ARHGAP17: variants seen among roughly 807,000 people sequenced by gnomAD.
The protein encoded by ARHGAP17 is Rho GTPase activating protein 17.
Under a neutral mutation model 99.5 loss-of-function variants are expected in ARHGAP17, and 57 were observed. That is an observed-to-expected ratio of 0.57 (90% CI 0.46 to 0.71). ARHGAP17 has a LOEUF of 0.71. ARHGAP17 is among the 30% of genes least tolerant of loss of function. ARHGAP17 has a pLI of 0.00. For synonymous variants in ARHGAP17, 417 were observed against 429.6 expected, an observed-to-expected ratio of 0.97 and a Z score of 0.36; for missense variants, 1,000 against 1,122.4, an observed-to-expected ratio of 0.89 and a Z score of 1.56.
intron 18 of ARHGAP17, 43 bp from the exon 19 acceptor site, chr16:24,931,447 G>T: frequency 6.7e-7 from 1 of 1,486,638 alleles, no homozygotes; most frequent in Non-Finnish European, 8.9e-7. Flanking sequence ...GGAACAGTGA[G>T]GCAGCAACCA....
intron 3 of ARHGAP17, among the ~76,000 whole-genome samples, chr16:24,971,475 C>T (rs1409218757): frequency 6.6e-6 from 1 of 152,030 alleles, no homozygotes; most frequent in Non-Finnish European, 1.5e-5. Flanking sequence ...TATGGGCATG[C>T]ACCACTTACA....
At chr16:24,923,727 T>TAA (rs1160793042) in intron 19 of ARHGAP17, among the ~76,000 whole-genome samples, 1 of 119,906 alleles carries the variant, frequency 8.3e-6, no homozygotes. Flanking sequence ...CTCTTTTTTT[T>TAA]AAAAAAAAAA....
At chr16:25,006,449 CAAAA>C (rs1032093076) in intron 1 of ARHGAP17, among the ~76,000 whole-genome samples, 5 of 74,490 alleles carry the variant, frequency 6.7e-5, no homozygotes, top group Non-Finnish European at 5.6e-5. Flanking sequence ...GACTCCGTCT[CAAAA>C]AAAAAAAAAA....
chr16:24,953,004 C>CT lies in ARHGAP17; in HGVS notation c.890dup (p.Lys298GlufsTer15). On this transcript the variant is annotated frameshift_variant, in exon 11 of 20. Transcript: ENST00000289968. LOFTEE classifies it high-confidence loss of function. ...AACAGTCCAAAGCAGCTTTCAGCTT[C>CT]TTTAACTTGGAGGCCCCAGCCCCAA... The CT allele has an allele frequency of 6.2e-7, 1 of 1,614,212 alleles. No homozygotes were observed.
At chr16:24,949,199 AG>A (rs1429794338) in intron 13 of ARHGAP17, 2 of 427,390 alleles carry the variant, frequency 4.7e-6, no homozygotes, top group African/African-American at 4.1e-5. Context: ...TATTAATGTC[AG>A]GCATGATACT....
Position 24,945,237 on chromosome 16 carries a change from A to T in ARHGAP17, c.1242-1375T>A, listed in dbSNP as rs73555442. 1.6e-3 allele frequency among the ~76,000 whole-genome samples: 245 copies of T among 151,330 alleles called. 2 individuals carry two copies. The highest frequency in any genetic ancestry group is 5.8e-3 in the African/African-American group (237 of 40,924). ...ACCGGAGAGGCTGGGGTTGGAGGATAGCCTGAGCCCAGGAGGTTGCGGCTG... is the reference window on the plus strand; with the variant it reads ...ACCGGAGAGGCTGGGGTTGGAGGATTGCCTGAGCCCAGGAGGTTGCGGCTG... On this transcript the variant is annotated intron_variant, in intron 14 of 19. Transcript: ENST00000289968.
intron 5 of ARHGAP17, 45 bp from the exon 6 acceptor site, chr16:24,968,472 AG>A (rs1567237914): frequency 6.2e-7 from 1 of 1,606,332 alleles, no homozygotes; most frequent in South Asian, 1.1e-5. Flanking sequence ...CAGGGCTTTT[AG>A]GTTAACCATT....
chr16:25,011,392 G>GA (rs1231594339), intron 1 of ARHGAP17, among the ~76,000 whole-genome samples: 2 of 152,120 alleles, frequency 1.3e-5, no homozygotes, highest in African/African-American at 4.8e-5. Flanking sequence ...TCTCCCAGTG[G>GA]ACACAGTGCC....
At chr16:24,956,065 G>A (rs1043573917) in intron 9 of ARHGAP17, 1 of 152,132 alleles carries the variant, frequency 6.6e-6, no homozygotes, top group Admixed American at 6.5e-5. Context: ...GAAATACTTT[G>A]TCCCTTTTAT....
chr16:24,936,242 C>T (rs532068010), intron 17 of ARHGAP17: 4 of 157,952 alleles, frequency 2.5e-5, no homozygotes, highest in African/African-American at 9.6e-5. Flanking sequence ...TAAATGACTA[C>T]TCGAAGTCCA....
In ARHGAP17 at chr16:24,969,139, G is replaced by A. The variant is rs137994427; in HGVS notation, c.273-367C>T. 1.6e-4 allele frequency among the ~76,000 whole-genome samples: 25 copies of A among 152,290 alleles called. No homozygotes were observed. The East Asian group carries it at 3.9e-3, about 23-fold the overall frequency. ...TCATTCCATGTTATCTTATGTCTGC[G>A]AGTCCAGCCTTGGCCAGGCTCCCTT... On this transcript the variant is annotated intron_variant, in intron 4 of 19. Coordinates refer to ENST00000289968, the MANE Select transcript of ARHGAP17 (RefSeq NM_001006634.3).
chr16:24,977,864 G>A lies in ARHGAP17; in HGVS notation c.94-545C>T, dbSNP rs188574293. Among the ~76,000 whole-genome samples, 107 of 152,288 alleles carry A rather than the reference G, an allele frequency of 7.0e-4. 1 individual carries two copies. The East Asian group carries it at 0.02, about 29-fold the overall frequency. On this transcript the variant is annotated intron_variant, in intron 2 of 19. Coordinates refer to ENST00000289968, the MANE Select transcript of ARHGAP17 (RefSeq NM_001006634.3). Reference sequence around the variant, plus strand: ...AAAGAGAGCCGCTTTTTACAGGAAGGAATGCCAAAAATGTGTATTCTGATG... The same window carrying A: ...AAAGAGAGCCGCTTTTTACAGGAAGAAATGCCAAAAATGTGTATTCTGATG...
At chr16:24,982,984 A>ATATATATATATT (rs1213424117) in intron 1 of ARHGAP17, among the ~76,000 whole-genome samples, 10 of 28,002 alleles carry the variant, frequency 3.6e-4, no homozygotes, top group East Asian at 1.1e-3. Context: ...ATATATATAT[A>ATATATATATATT]TATATATATA....
At chr16:25,003,961 T>C (rs1257081558) in intron 1 of ARHGAP17, among the ~76,000 whole-genome samples, 1 of 151,882 alleles carries the variant, frequency 6.6e-6, no homozygotes, top group Non-Finnish European at 1.5e-5. Flanking sequence ...GATTTGAAAA[T>C]AGAAGAGCTG....
chr16:24,961,502 G>GT (rs1317053806), intron 7 of ARHGAP17, among the ~76,000 whole-genome samples: 3 of 114,506 alleles, frequency 2.6e-5, no homozygotes, highest in Non-Finnish European at 5.3e-5. Context: ...TAGTCTCTAA[G>GT]TAAAAAAAAA....
At chr16:24,985,713 G>C (rs1382365321) in intron 1 of ARHGAP17, among the ~76,000 whole-genome samples, 1 of 152,162 alleles carries the variant, frequency 6.6e-6, no homozygotes, top group Non-Finnish European at 1.5e-5. Flanking sequence ...TGGGGATCTG[G>C]ACATGTTTCG....
rs550274071 is a variant in ARHGAP17, at chr16:25,009,362, G to A, written c.53+5847C>T. 1.6e-3 allele frequency among the ~76,000 whole-genome samples: 169 copies of A among 104,346 alleles called. No individual in the cohort carries two copies. In the South Asian group the frequency reaches 0.035, roughly 21 times the overall value. The allele number at this position is 104,346 out of a possible 152,430, so 68.5% of individuals were successfully genotyped here. A position where few individuals can be genotyped will look rare whatever the true frequency, so the allele number is the denominator to read the frequency against. The stretch of plus-strand genomic sequence containing the variant: ...AGTCTGGGCGGCAGAGCGAGACTCC[G>A]TCAAAAAAAAAAAAAAAAGGGTGGG... On this transcript the variant is annotated intron_variant, in intron 1 of 19. Coordinates refer to ENST00000289968, the MANE Select transcript of ARHGAP17 (RefSeq NM_001006634.3).
At chr16:24,994,908 A>T (rs1372269795) in intron 1 of ARHGAP17, among the ~76,000 whole-genome samples, 1 of 152,146 alleles carries the variant, frequency 6.6e-6, no homozygotes, top group Non-Finnish European at 1.5e-5. Context: ...ATAAAGACAT[A>T]CCCACGTCTC....
intron 6 of ARHGAP17, among the ~76,000 whole-genome samples, chr16:24,967,470 C>G (rs959832296): frequency 1.3e-5 from 2 of 152,180 alleles, no homozygotes; most frequent in Admixed American, 6.5e-5. Flanking sequence ...TTTCCCTATT[C>G]CCAACTGTCA....
Sources: allele counts gnomAD v4.1 joint callset (sites outside exome capture counted in the v4.1 genomes callset), GRCh38; gene constraint gnomAD v4.1.1; transcripts MANE v1.5; gene names NCBI Gene and HGNC (gene_info 2026-07-23, HGNC 2026-07-21).